The following KIF5C variants were observed in gnomAD, a reference collection of about 807,000 sequenced individuals.
KIF5C encodes the protein kinesin heavy chain isoform 5C.
In KIF5C, 18 loss-of-function variants were observed where a neutral mutation model predicts 125.2. The observed-to-expected ratio is 0.14, with a 90% confidence interval of 0.10 to 0.21. The LOEUF is 0.21. Ranked by LOEUF, KIF5C falls within the 10% of genes least tolerant of loss-of-function variation. KIF5C has a pLI of 1.00. For synonymous variants in KIF5C, 405 were observed against 434.0 expected, an observed-to-expected ratio of 0.93 and a Z score of 0.83; for missense variants, 780 against 1,183.8, an observed-to-expected ratio of 0.66 and a Z score of 5.01.
chr2:148,998,255 G>C, intron 18 of KIF5C, 145 bp from the exon 19 acceptor site: 2 of 1,355,364 alleles, frequency 1.5e-6, no homozygotes, highest in Non-Finnish European at 2.0e-6. Flanking sequence ...GGGTCCTGGG[G>C]GCAAAACAGC....
intron 25 of KIF5C, chr2:149,020,184 G>C (rs1411251138): frequency 6.6e-6 from 1 of 152,184 alleles, no homozygotes; most frequent in Non-Finnish European, 1.5e-5. Context: ...AGGATATGAA[G>C]ATCCAGATAG....
At chr2:148,888,931 G>A (rs1210192883) in intron 1 of KIF5C, 1 of 152,138 alleles carries the variant, frequency 6.6e-6, no homozygotes, top group East Asian at 1.9e-4. Flanking sequence ...TGTCCATTGG[G>A]CTGATAGGTC....
intron 11 of KIF5C, among the ~76,000 whole-genome samples, chr2:148,969,787 A>G (rs1680851498): frequency 6.6e-6 from 1 of 152,170 alleles, no homozygotes; most frequent in African/African-American, 2.4e-5. Context: ...TGAGATTGCC[A>G]TGGAGACAGA....
At chr2:148,906,153 C>T (rs1468799588) in intron 1 of KIF5C, among the ~76,000 whole-genome samples, 1 of 152,070 alleles carries the variant, frequency 6.6e-6, no homozygotes, top group Non-Finnish European at 1.5e-5. Flanking sequence ...AAAGGGGAGG[C>T]AGAGGAAAGG....
chr2:148,930,335 T>C (rs1277229097), intron 3 of KIF5C, among the ~76,000 whole-genome samples: 1 of 151,998 alleles, frequency 6.6e-6, no homozygotes, highest in African/African-American at 2.4e-5. Flanking sequence ...TTCCTTTTTT[T>C]TTTTTCTTTA....
At chr2:149,003,676 T>C (rs928878031) in intron 21 of KIF5C, among the ~76,000 whole-genome samples, 1 of 152,188 alleles carries the variant, frequency 6.6e-6, no homozygotes. Flanking sequence ...ACAGTGTGCA[T>C]AAATAAAAGG....
chr2:149,010,347 G>A lies in KIF5C; in HGVS notation c.2763G>A (p.Gln921=). ...KNMARRAHSA[Q]IAKPIRPGHY... ...TGGCCAGAAGGGCCCATTCAGCCCA[G>A]ATCGGTACGTGCGTGCACAGTGGCG... Residue 921 remains glutamine, a synonymous_variant, in exon 24 of 26, where the codon CAG becomes CAA. Transcript: ENST00000435030. 1.3e-6 allele frequency: 2 copies of A among 1,577,264 alleles called. No individual in the cohort carries two copies. Among genetic ancestry groups the A allele is most frequent in the Non-Finnish European group, 1.7e-6 (2 of 1,162,392 alleles).
intron 9 of KIF5C, among the ~76,000 whole-genome samples, 163 bp from the exon 10 acceptor site, chr2:148,950,151 T>G (rs1243239761): frequency 6.6e-6 from 1 of 152,118 alleles, no homozygotes; most frequent in Non-Finnish European, 1.5e-5. Context: ...ATGACATAGG[T>G]CAAAGAATGG....
intron 1 of KIF5C, among the ~76,000 whole-genome samples, chr2:148,894,482 C>G (rs1681783992): frequency 6.6e-6 from 1 of 152,132 alleles, no homozygotes; most frequent in Admixed American, 6.5e-5. Flanking sequence ...ATTGATAGTC[C>G]TCAGCTCTGA....
At chr2:148,993,294 A>T (rs1681575645) in intron 16 of KIF5C, among the ~76,000 whole-genome samples, 2 of 152,196 alleles carry the variant, frequency 1.3e-5, no homozygotes, top group Admixed American at 6.5e-5. Flanking sequence ...GCTGTATGAG[A>T]TCAGAGTCGA....
At chr2:148,996,570 C>T (rs1681678803) in intron 17 of KIF5C, among the ~76,000 whole-genome samples, 1 of 152,160 alleles carries the variant, frequency 6.6e-6, no homozygotes, top group African/African-American at 2.4e-5. Flanking sequence ...AGCACTCTGC[C>T]CCCTGGCACC....
Position 148,991,151 on chromosome 2 carries a change from A to G in KIF5C, c.1858A>G (p.Asn620Asp). 1 of 1,613,930 alleles carries G rather than the reference A, an allele frequency of 6.2e-7. No homozygotes were observed. The highest frequency in any genetic ancestry group is 8.5e-7 in the Non-Finnish European group (1 of 1,179,856). The change falls in exon 16 of 26, where the codon AAT becomes GAT. Residue 620 changes from asparagine to aspartate, a missense_variant. Around this residue, in one of 2 missense-constraint regions of KIF5C, gnomAD observed 573 missense variants for 742.6 expected, o/e 0.77. Transcript: ENST00000435030. ...SAQMDSNRKM[N>D]ASERELAACQ... is the part of the protein sequence containing the mutation. ...CCAGATGGACTCCAACAGGAAGATG[A>G]ATGCCAGCGAGCGGGAGCTGGCAGC...
chr2:148,910,860 A>G (rs1447706569), intron 1 of KIF5C, among the ~76,000 whole-genome samples: 1 of 152,214 alleles, frequency 6.6e-6, no homozygotes, highest in Non-Finnish European at 1.5e-5. Flanking sequence ...ACAAAATGAG[A>G]TAGATCAAAG....
intron 25 of KIF5C, among the ~76,000 whole-genome samples, chr2:149,018,342 C>T (rs564787550): frequency 1.2e-4 from 19 of 152,260 alleles, no homozygotes; most frequent in Middle Eastern, 3.4e-3. Flanking sequence ...TAGTGCCTGG[C>T]ACTGAACAAG....
At chr2:148,904,140 GTAATTATGTTTAAT>G (rs1291307707) in intron 1 of KIF5C, among the ~76,000 whole-genome samples, 1 of 152,214 alleles carries the variant, frequency 6.6e-6, no homozygotes, top group Non-Finnish European at 1.5e-5. Context: ...GAGGACACCA[GTAATTATGTTTAAT>G]TACATGTTGA....
intron 8 of KIF5C, among the ~76,000 whole-genome samples, chr2:148,948,233 T>C (rs1290464680): frequency 6.0e-5 from 9 of 150,668 alleles, no homozygotes; most frequent in African/African-American, 2.2e-4. Context: ...GGCGGGCACC[T>C]GTAGTCCCAG....
chr2:149,012,594 G>A (rs73011364), intron 25 of KIF5C, among the ~76,000 whole-genome samples: 6,748 of 152,304 alleles, frequency 0.044, 376 homozygotes, highest in African/African-American at 0.13. Context: ...TCAGGGTCCC[G>A]GCATCGCCCA....
chr2:148,933,569 A>G (rs1207595723), intron 3 of KIF5C, among the ~76,000 whole-genome samples: 1 of 150,582 alleles, frequency 6.6e-6, no homozygotes, highest in Admixed American at 6.6e-5. Flanking sequence ...GCACACAGAC[A>G]TATGCATACC....
intron 3 of KIF5C, among the ~76,000 whole-genome samples, chr2:148,932,715 T>C (rs1330612587): frequency 6.6e-6 from 1 of 152,184 alleles, no homozygotes; most frequent in Non-Finnish European, 1.5e-5. Context: ...CAAGAGACGC[T>C]TGGAGGTCAT....
Sources: allele counts gnomAD v4.1 joint callset (sites outside exome capture counted in the v4.1 genomes callset), GRCh38; gene constraint gnomAD v4.1.1; regional missense constraint gnomAD v4.1.1; transcripts MANE v1.5; gene names NCBI Gene and HGNC (gene_info 2026-07-23, HGNC 2026-07-21).